The following SIRT6 variants were observed in gnomAD, a reference collection of about 807,000 sequenced individuals.
SIRT6 encodes NAD-dependent protein deacylase sirtuin-6.
SIRT6 carries 21 observed loss-of-function variants against 33.6 expected under a neutral mutation model. The observed-to-expected ratio is 0.62, with a 90% confidence interval of 0.44 to 0.90. The LOEUF is 0.90. Among genes scored for constraint, SIRT6 ranks in the 40% least tolerant of loss-of-function variants. The pLI is 0.00. For synonymous variants in SIRT6, 221 were observed against 223.9 expected, an observed-to-expected ratio of 0.99 and a Z score of 0.12; for missense variants, 504 against 510.6, an observed-to-expected ratio of 0.99 and a Z score of 0.12.
chr19:4,176,410 G>A (rs1967308125), intron 4 of SIRT6, among the ~76,000 whole-genome samples: 1 of 152,194 alleles, frequency 6.6e-6, no homozygotes, highest in African/African-American at 2.4e-5. Context: ...CCAATATGGT[G>A]AAACCCCGTC....
chr19:4,176,299 C>T (rs113342426), intron 4 of SIRT6, among the ~76,000 whole-genome samples: 3 of 152,240 alleles, frequency 2.0e-5, no homozygotes, highest in African/African-American at 7.2e-5. Flanking sequence ...TGACTTTAAT[C>T]GTTATACTGG....
chr19:4,174,302 A>G lies in SIRT6; in HGVS notation c.*315T>C, dbSNP rs1967146810. The G allele has an allele frequency of 4.3e-6, 1 of 234,206 alleles. No individual in the cohort carries two copies. The highest frequency in any genetic ancestry group is 2.3e-5 in the African/African-American group (1 of 44,324). 14.5% of individuals were successfully genotyped at this position (234,206 alleles called of 1,614,324 possible). ...GGCCCAGAAGGGAGGCCCTGGGGAC[A>G]GAGGGAGTTCACTCCTGTTTAAGCT... On this transcript the variant is annotated 3_prime_UTR_variant, in exon 8 of 8. Coordinates refer to ENST00000337491, the MANE Select transcript of SIRT6 (RefSeq NM_016539.4). The surrounding 1 kb of genome is among the most constrained non-coding windows in gnomAD (Gnocchi z 4.2).
chr19:4,175,800 C>A, intron 5 of SIRT6, 40 bp from the exon 6 acceptor site: 1 of 1,553,866 alleles, frequency 6.4e-7, no homozygotes, highest in South Asian at 1.2e-5. Context: ...AGGGGCCTCG[C>A]AGCCTCCCCT....
chr19:4,179,455 G>C (rs866574474), intron 2 of SIRT6, 169 bp from the exon 3 acceptor site: 2 of 683,872 alleles, frequency 2.9e-6, no homozygotes. Flanking sequence ...AGGGTGAGTT[G>C]CAAGAACAGG....
intron 4 of SIRT6, among the ~76,000 whole-genome samples, 162 bp from the exon 5 acceptor site, chr19:4,176,099 C>A (rs1012655548): frequency 2.6e-5 from 4 of 152,152 alleles, no homozygotes; most frequent in Admixed American, 1.3e-4. Context: ...GAATAACGGG[C>A]TGGGATGCTG....
At chr19:4,180,093 C>CTTTTT (rs71166971) in intron 2 of SIRT6, among the ~76,000 whole-genome samples, 1 of 45,926 alleles carries the variant, frequency 2.2e-5, no homozygotes, top group Admixed American at 3.4e-4. Flanking sequence ...CACGCCTTGG[C>CTTTTT]TTTTTTTTTT....
Position 4,174,911 on chromosome 19 carries a change from A to T in SIRT6, c.774T>A (p.Val258=). ...TCATGAGCCGGGTCATGACCTCGTC[A>T]ACGTAGCCATGGATGCGGAGGTCAG... ...RHADLRIHGY[V]DEVMTRLMKH... The change falls in exon 8 of 8, where the codon GTT becomes GTA. Residue 258 remains valine, a synonymous_variant. Coordinates refer to ENST00000337491, the MANE Select transcript of SIRT6 (RefSeq NM_016539.4). This position sits in a 1 kb window ranked among gnomAD's most constrained non-coding sequence, Gnocchi z 4.2. The T allele has an allele frequency of 1.2e-6, 2 of 1,605,386 alleles. No individual in the cohort carries two copies. Among genetic ancestry groups the T allele is most frequent in the South Asian group, 2.2e-5 (2 of 91,036 alleles).
At position 4,175,045 on chromosome 19, in the gene SIRT6, G is replaced by C; in HGVS notation, c.721C>G (p.Leu241Val). 6.3e-7 allele frequency: 1 copy of C among 1,592,054 alleles called. No homozygotes were observed. Among genetic ancestry groups the C allele is most frequent in the Non-Finnish European group, 8.6e-7 (1 of 1,168,370 alleles). Residue 241 changes from leucine to valine, a missense_variant, in exon 7 of 8, where the codon CTG (leucine) becomes GTG (valine). By Grantham distance (32) the Leu-to-Val change is conservative. Coordinates refer to ENST00000337491, the MANE Select transcript of SIRT6 (RefSeq NM_016539.4). The stretch of plus-strand genomic sequence containing the variant: ...ACACCTACGTGCTTGGTGGGCTGCA[G>C]GTTGACGATGACCAGGCGGCCTCCC... ...RRGGRLVIVN[L>V]QPTKHDRHAD...
chr19:4,179,239 T>C lies in SIRT6; in HGVS notation c.242A>G (p.Lys81Arg), dbSNP rs749695672. 2 of 1,609,778 alleles carry C rather than the reference T, an allele frequency of 1.2e-6. No individual in the cohort carries two copies. Among genetic ancestry groups the C allele is most frequent in the African/African-American group, 2.7e-5 (2 of 74,882 alleles). ...WTMEERGLAP[K>R]FDTTFESARP... ...CGCGCTCTCAAAGGTGGTGTCGAAC[T>C]TGGGGGCCAGACCTCGCTCCTCCAT... Residue 81 changes from lysine (K) to arginine (R), a missense_variant, in exon 3 of 8, where the codon AAG (lysine) becomes AGG (arginine). Coordinates refer to ENST00000337491, the MANE Select transcript of SIRT6 (RefSeq NM_016539.4).
intron 1 of SIRT6, 124 bp downstream of exon 1, chr19:4,182,350 G>T: frequency 1.0e-6 from 1 of 990,432 alleles, no homozygotes. Flanking sequence ...CTTCCTCACT[G>T]GGAAGTCCCT....
intron 6 of SIRT6, chr19:4,175,400 G>A (rs1967233184): frequency 3.1e-6 from 2 of 640,272 alleles, no homozygotes. Context: ...TGGACACCTA[G>A]GGTGGGACCC....
intron 2 of SIRT6, 57 bp downstream of exon 2, chr19:4,180,725 G>A (rs1329580002): frequency 6.4e-7 from 1 of 1,554,974 alleles, no homozygotes; most frequent in South Asian, 1.2e-5. Context: ...TGGCTCGCAG[G>A]GAAGCCTCTG....
chr19:4,176,040 C>G, intron 4 of SIRT6, 103 bp from the exon 5 acceptor site: 1 of 978,958 alleles, frequency 1.0e-6, no homozygotes, highest in Non-Finnish European at 1.5e-6. Context: ...GGGGGGTGGA[C>G]AGGTGACCAG....
At chr19:4,177,218 T>A in intron 3 of SIRT6, 80 bp from the exon 4 acceptor site, 2 of 1,407,116 alleles carry the variant, frequency 1.4e-6, no homozygotes. Context: ...GCTAAGCCCC[T>A]CTCCTCCAGG....
chr19:4,177,177 G>A (rs1282755979), intron 3 of SIRT6, 39 bp from the exon 4 acceptor site: 4 of 1,605,920 alleles, frequency 2.5e-6, no homozygotes, highest in South Asian at 1.1e-5. Flanking sequence ...GGTGGGAAAG[G>A]ATCCCTGGAT....
chr19:4,174,758 G>T lies in SIRT6; in HGVS notation c.927C>A (p.Gly309=), dbSNP rs1462715678. The T allele has an allele frequency of 1.3e-6, 2 of 1,491,450 alleles. No individual in the cohort carries two copies. The highest frequency in any genetic ancestry group is 4.9e-5 in the East Asian group (2 of 40,476). The allele number at this position is 1,491,450 out of a possible 1,614,324, so 92.4% of individuals were successfully genotyped here. A position where few individuals can be genotyped will look rare whatever the true frequency, so the allele number is the denominator to read the frequency against. The part of the protein sequence containing the change: ...PKEESPTRIN[G]SIPAGPKQEP... ...CCTGCTTGGGGCCGGCGGGGATAGA[G>T]CCGTTGATCCGGGTGGGAGATTCCT... Residue 309 remains glycine (G), a synonymous_variant, in exon 8 of 8, where the codon GGC becomes GGA. Coordinates refer to ENST00000337491, the MANE Select transcript of SIRT6 (RefSeq NM_016539.4). This position sits in a 1 kb window ranked among gnomAD's most constrained non-coding sequence, Gnocchi z 4.2.
In SIRT6 at chr19:4,179,392, A is replaced by AGGAGACAGAGAGAGACAG. The variant is rs1967495493; in HGVS notation, c.195-124_195-107dup. On this transcript the variant is annotated intron_variant, in intron 2 of 7. Transcript: ENST00000337491. Reference sequence around the variant, plus strand: ...GAGAAAGTTGGAGAGAGAGAAAATCAGGAGACAGAGAGAGACAGGGAGACA... The same window carrying AGGAGACAGAGAGAGACAG: ...GAGAAAGTTGGAGAGAGAGAAAATCAGGAGACAGAGAGAGACAGGGAGACAGAGAGAGACAGGGAGACA... 3 of 1,230,536 alleles carry AGGAGACAGAGAGAGACAG rather than the reference A, an allele frequency of 2.4e-6. No individual in the cohort carries two copies. In the Admixed American group the frequency reaches 8.4e-5, roughly 35 times the overall value. 76.2% of individuals were successfully genotyped at this position (1,230,536 alleles called of 1,614,324 possible).
chr19:4,175,749 C>T lies in SIRT6; in HGVS notation c.545G>A (p.Arg182Lys). The change falls in exon 6 of 8, where the codon AGG (arginine) becomes AAG (lysine). Residue 182 changes from arginine to lysine, a missense_variant. Physicochemically the swap from Arg to Lys is conservative, Grantham distance 26. Coordinates refer to ENST00000337491, the MANE Select transcript of SIRT6 (RefSeq NM_016539.4). ...RGLRACRGEL[R>K]DTILDWEDSL... ...GTCCTCCCAGTCTAGGATGGTGTCC[C>T]TCAGCTCTCCCCTGCAATGAGGAAG... The T allele has an allele frequency of 1.3e-6, 2 of 1,583,724 alleles. No individual in the cohort carries two copies. Among genetic ancestry groups the T allele is most frequent in the Non-Finnish European group, 1.7e-6 (2 of 1,164,942 alleles).
intron 4 of SIRT6, among the ~76,000 whole-genome samples, chr19:4,176,141 G>C (rs1269983075): frequency 1.3e-5 from 2 of 152,186 alleles, no homozygotes; most frequent in African/African-American, 2.4e-5. Context: ...AACAAAGCAG[G>C]AAACTGTCCC....
Sources: gnomAD v4.1 joint callset for allele counts (sites outside exome capture counted in the v4.1 genomes callset) on GRCh38, gnomAD v4.1.1 for gene constraint, Gnocchi (gnomAD v3.1) non-coding constraint, MANE v1.5 for transcripts, NCBI Gene and HGNC (gene_info 2026-07-23, HGNC 2026-07-21) for gene names.